The following METTL9 variants were observed in gnomAD, a reference collection of about 807,000 sequenced individuals.
METTL9 encodes methyltransferase 9, His-X-His N1(pi)-histidine, also known as protein-L-histidine N-pros-methyltransferase.
In METTL9, 10 loss-of-function variants were observed where a neutral mutation model predicts 36.0. The ratio of observed to expected loss-of-function variants is 0.28; its 90% CI spans 0.17 to 0.47. METTL9 has a LOEUF of 0.47. Ranked by LOEUF, METTL9 falls within the 20% of genes least tolerant of loss-of-function variation. METTL9 has a pLI of 0.99. For missense variants in METTL9, 246 were observed against 383.5 expected (o/e 0.64, Z 3.00); for synonymous variants, 175 against 149.7 (o/e 1.17, Z -1.23).
chr16:21,619,095 C>T (rs1415413838), intron 3 of METTL9, among the ~76,000 whole-genome samples: 2 of 152,060 alleles, frequency 1.3e-5, no homozygotes, highest in Admixed American at 6.5e-5. Flanking sequence ...TTGTTTCTAC[C>T]ATTTGGCTGT....
At chr16:21,598,601 T>C (rs187979315), upstream of METTL9, among the ~76,000 whole-genome samples, 468 of 152,286 alleles carry the variant, frequency 3.1e-3, 1 homozygote, top group Non-Finnish European at 5.5e-3. Flanking sequence ...TACTCCTTAA[T>C]TGTGGCTTGG....
chr16:21,636,994 T>C (rs1383333505), intron 4 of METTL9, among the ~76,000 whole-genome samples: 2 of 151,950 alleles, frequency 1.3e-5, no homozygotes, highest in East Asian at 1.9e-4. Flanking sequence ...ACTTCAGGAG[T>C]GAAGCTGCAG....
At chr16:21,599,341 C>A, upstream of METTL9, 1 of 945,416 alleles carries the variant, frequency 1.1e-6, no homozygotes, top group Non-Finnish European at 1.3e-6. The surrounding 1 kb of genome is among the most constrained non-coding windows in gnomAD (Gnocchi z 4.4). Flanking sequence ...TTAAAACCAC[C>A]TCCGCCATTT....
chr16:21,656,235 C>T lies in METTL9; in HGVS notation c.*803C>T, dbSNP rs546957027. The stretch of plus-strand genomic sequence containing the variant: ...AAAATGCAAAATAACCTGGTTCTGA[C>T]TTTGTGATCACTCATGTCCCATACA... On this transcript the variant is annotated 3_prime_UTR_variant, in exon 5 of 5. Coordinates refer to ENST00000358154, the MANE Select transcript of METTL9 (RefSeq NM_016025.5). The T allele has an allele frequency of 7.1e-6, 1 of 140,714 alleles. No individual in the cohort carries two copies. The highest frequency in any genetic ancestry group is 2.1e-4 in the East Asian group (1 of 4,726). 8.7% of individuals were successfully genotyped at this position (140,714 alleles called of 1,614,324 possible). A position where few individuals can be genotyped will look rare whatever the true frequency, so the allele number is the denominator to read the frequency against.
chr16:21,617,483 T>C (rs1965583092), intron 2 of METTL9, among the ~76,000 whole-genome samples: 1 of 148,688 alleles, frequency 6.7e-6, no homozygotes, highest in Admixed American at 6.7e-5. Flanking sequence ...ATCCCAGCAC[T>C]TTGGGAGGCC....
At chr16:21,646,026 T>C (rs1217557482) in intron 4 of METTL9, among the ~76,000 whole-genome samples, 2 of 152,146 alleles carry the variant, frequency 1.3e-5, no homozygotes, top group Non-Finnish European at 2.9e-5. Flanking sequence ...TGATTTTGAG[T>C]TCATGTTTTA....
rs1390683017 is a variant in METTL9, at chr16:21,613,716, T to A, written c.356+881T>A. 3.3e-5 allele frequency among the ~76,000 whole-genome samples: 5 copies of A among 152,192 alleles called. No homozygotes were observed. In the South Asian group the frequency reaches 1.0e-3, roughly 31 times the overall value. On this transcript the variant is annotated intron_variant, in intron 2 of 4. Coordinates refer to ENST00000358154, the MANE Select transcript of METTL9 (RefSeq NM_016025.5). ...CTTATTTTGAGTGAAGAGTCCTGCA[T>A]CTGTTCTTAAATAATGTCTAGGTTC...
chr16:21,609,769 C>T (rs528552315), intron 1 of METTL9, among the ~76,000 whole-genome samples: 10 of 152,174 alleles, frequency 6.6e-5, no homozygotes, highest in African/African-American at 1.9e-4. Context: ...GAACAAAAAT[C>T]GTGCAGGGCC....
chr16:21,647,173 T>C, intron 4 of METTL9: 1 of 1,614,136 alleles, frequency 6.2e-7, no homozygotes. Flanking sequence ...TCTGTTTAGC[T>C]CTCGCTTCCG....
chr16:21,624,400 G>A (rs1341452283), intron 3 of METTL9, among the ~76,000 whole-genome samples: 6 of 152,134 alleles, frequency 3.9e-5, no homozygotes. Context: ...CTTCGTATGT[G>A]TTGAGATTTG....
At chr16:21,643,675 T>A (rs1966338319) in intron 4 of METTL9, 2 of 942,966 alleles carry the variant, frequency 2.1e-6, no homozygotes, top group Non-Finnish European at 3.3e-6. Flanking sequence ...CATGCCCTAA[T>A]AAGATTAAAC....
chr16:21,646,945 C>T (rs3091404), intron 4 of METTL9: 271,828 of 718,418 alleles, frequency 0.38, 55,860 homozygotes, highest in Non-Finnish European at 0.44. Context: ...TGAGCCACCA[C>T]GCCCAGCCAG....
Position 21,618,033 on chromosome 16 carries a change from T to G in METTL9, c.525T>G (p.Leu175=). 6.3e-7 allele frequency: 1 copy of G among 1,595,640 alleles called. No individual in the cohort carries two copies. The part of the protein sequence containing the change: ...PHFEEIYATE[L]SETMIWQLQK... ...TTGAAGAAATCTATGCCACTGAGCT[T>G]TCTGAAACTATGATATGGCAGCTTC... The change falls in exon 3 of 5, where the codon CTT becomes CTG. Residue 175 remains leucine (L), a synonymous_variant. Transcript: ENST00000358154.
intron 2 of METTL9, 109 bp downstream of exon 2, chr16:21,612,944 T>C (rs1597746761): frequency 1.0e-6 from 1 of 954,092 alleles, no homozygotes; most frequent in Non-Finnish European, 1.5e-6. Context: ...TGAGCTACAA[T>C]ACTTCTACTA....
chr16:21,624,964 G>C lies in METTL9; in HGVS notation c.600G>C (p.Gly200=), dbSNP rs765563113. ...GTATAAATGAATGGCAGAATACGGG[G>C]TTCCAGTATGATGTCATCAGCTGCC... is the stretch of plus-strand genomic sequence containing the variant. ...VLGINEWQNT[G]FQYDVISCLN... is the part of the protein sequence containing the mutation. The change falls in exon 4 of 5, where the codon GGG becomes GGC. Residue 200 remains glycine (G), a synonymous_variant. Transcript: ENST00000358154. 10 of 1,613,942 alleles carry C rather than the reference G, an allele frequency of 6.2e-6. No homozygotes were observed. Among genetic ancestry groups the C allele is most frequent in the Non-Finnish European group, 5.9e-6 (7 of 1,179,992 alleles).
intron 2 of METTL9, 104 bp downstream of exon 2, chr16:21,612,939 T>C (rs1182566439): frequency 1.0e-6 from 1 of 1,001,340 alleles, no homozygotes; most frequent in East Asian, 2.7e-5. Flanking sequence ...CTACCTGAGC[T>C]ACAATACTTC....
intron 4 of METTL9, among the ~76,000 whole-genome samples, chr16:21,636,660 A>G (rs1014620655): frequency 6.6e-5 from 10 of 152,172 alleles, no homozygotes; most frequent in African/African-American, 2.4e-4. Context: ...GGTTCAGCCC[A>G]GAAGTACTGG....
chr16:21,622,297 G>A (rs1206644026), intron 3 of METTL9, among the ~76,000 whole-genome samples: 1 of 151,140 alleles, frequency 6.6e-6, no homozygotes, highest in East Asian at 1.9e-4. Flanking sequence ...CTACAGGTGT[G>A]TGCCACCATC....
chr16:21,648,764 C>T lies in METTL9; in HGVS notation c.752-6463C>T, dbSNP rs540341928. On this transcript the variant is annotated intron_variant, in intron 4 of 4. Transcript: ENST00000358154. ...TTTGTCAAGTTTTTGGTCTGAGTTC[C>T]GCCTGGTCATATATTCCCAAATGGT... Among the ~76,000 whole-genome samples, 22 of 152,290 alleles carry T rather than the reference C, an allele frequency of 1.4e-4. 1 individual carries two copies. In the East Asian group the frequency reaches 2.5e-3, roughly 17 times the overall value.
Sources: gnomAD v4.1 joint callset for allele counts (sites outside exome capture counted in the v4.1 genomes callset) on GRCh38, gnomAD v4.1.1 for gene constraint, Gnocchi (gnomAD v3.1) non-coding constraint, MANE v1.5 for transcripts, NCBI Gene and HGNC (gene_info 2026-07-23, HGNC 2026-07-21) for gene names.